Variants in AP1M2 observed in about 807,000 individuals in gnomAD.
AP1M2 encodes adaptor related protein complex 1 subunit mu 2.
In AP1M2, 41 loss-of-function variants were observed where a neutral mutation model predicts 54.6. The observed-to-expected ratio is 0.75, with a 90% CI of 0.59 to 0.97. The LOEUF (loss-of-function observed/expected upper bound fraction) is 0.97. Among genes scored for constraint, AP1M2 ranks in the 50% least tolerant of loss-of-function variants. AP1M2 has a pLI of 0.00. For missense variants in AP1M2, 507 were observed against 561.2 expected (o/e 0.90, Z 0.98); for synonymous variants, 219 against 215.9 (o/e 1.01, Z -0.13).
chr19:10,573,243 A>AC (rs1917116360), intron 11 of AP1M2, among the ~76,000 whole-genome samples, 155 bp from the exon 12 acceptor site: 1 of 151,908 alleles, frequency 6.6e-6, no homozygotes, highest in South Asian at 2.1e-4. Context: ...ACATGGTGAA[A>AC]CCCCATGTCT....
chr19:10,579,739 T>C lies in AP1M2; in HGVS notation c.793A>G (p.Met265Val), dbSNP rs757753697. ...ACCTGGGTGCTGAGGCGGTATGACA[T>C]GAGCTCAAAGTCACCATCAGGCGGG... ...FIPPDGDFEL[M>V]SYRLSTQVKP... The change falls in exon 7 of 12, where the codon ATG becomes GTG. Residue 265 changes from methionine to valine, a missense_variant. Transcript: ENST00000250244. 2 of 1,613,626 alleles carry C rather than the reference T, an allele frequency of 1.2e-6. No homozygotes were observed. The highest frequency in any genetic ancestry group is 1.7e-6 in the Non-Finnish European group (2 of 1,179,828).
In AP1M2 at chr19:10,574,987, T is replaced by C; in HGVS notation, c.1090A>G (p.Ser364Gly). Residue 364 changes from serine (S) to glycine (G), a missense_variant, in exon 10 of 12, where the codon AGT (serine) becomes GGT (glycine). Ser to Gly is a moderately conservative substitution (Grantham distance 56). Coordinates refer to ENST00000250244, the MANE Select transcript of AP1M2 (RefSeq NM_005498.5). Reference protein sequence around the residue: ...YLMRAHFGLPSVEKEEVEGRP... With the variant: ...YLMRAHFGLPGVEKEEVEGRP... ...CCCTCCACCTCTTCCTTTTCCACAC[T>C]GGGGAGGCCAAAGTGGGCTCGCATC... 1.3e-6 allele frequency: 2 copies of C among 1,561,736 alleles called. No homozygotes were observed. Among genetic ancestry groups the C allele is most frequent in the East Asian group, 4.7e-5 (2 of 42,964 alleles).
At position 10,581,312 on chromosome 19, in the gene AP1M2, C is replaced by G; in HGVS notation, c.627G>C (p.Glu209Asp). 1 of 1,613,940 alleles carries G rather than the reference C, an allele frequency of 6.2e-7. No individual in the cohort carries two copies. The highest frequency in any genetic ancestry group is 8.5e-7 in the Non-Finnish European group (1 of 1,179,806). The change falls in exon 6 of 12, where the codon GAG (glutamate) becomes GAC (aspartate). Residue 209 changes from glutamate (E) to aspartate (D), a missense_variant. Transcript: ENST00000250244. Reference protein sequence around the residue: ...KLKVFLSGMPELRLGLNDRVL... With the variant: ...KLKVFLSGMPDLRLGLNDRVL... Reference sequence around the variant, plus strand: ...CGCGGTCATTGAGGCCCAGCCGCAGCTCTGGCATTCCTGACAGAAACACCT... The same window carrying G: ...CGCGGTCATTGAGGCCCAGCCGCAGGTCTGGCATTCCTGACAGAAACACCT...
At chr19:10,579,012 C>A in intron 7 of AP1M2, 49 bp from the exon 8 acceptor site, 119 of 930,380 alleles carry the variant, frequency 1.3e-4, no homozygotes, top group Non-Finnish European at 1.6e-4. Context: ...TGTTGACTCT[C>A]TTCTTTTTTT....
intron 1 of AP1M2, among the ~76,000 whole-genome samples, chr19:10,584,311 T>A (rs1348648719): frequency 6.6e-6 from 1 of 152,228 alleles, no homozygotes; most frequent in Non-Finnish European, 1.5e-5. Flanking sequence ...CTGGACGCAG[T>A]GGCTCACGCC....
At chr19:10,580,044 G>GTTTTTT (rs59349358) in intron 6 of AP1M2, among the ~76,000 whole-genome samples, 186 bp from the exon 7 acceptor site, 1 of 71,192 alleles carries the variant, frequency 1.4e-5, no homozygotes, top group Non-Finnish European at 2.6e-5. Flanking sequence ...ATCTGGCTTG[G>GTTTTTT]TTTTTTTTTT....
intron 6 of AP1M2, among the ~76,000 whole-genome samples, chr19:10,580,769 A>C (rs10409805): frequency 0.25 from 38,401 of 151,680 alleles, 5,860 homozygotes; most frequent in East Asian, 0.66. Context: ...TTTAGACCAG[A>C]CTGGGCAACA....
At position 10,583,684 on chromosome 19, in the gene AP1M2, A is replaced by G; in HGVS notation, c.200-11T>C. 2 of 1,612,010 alleles carry G rather than the reference A, an allele frequency of 1.2e-6. No individual in the cohort carries two copies. Among genetic ancestry groups the G allele is most frequent in the Non-Finnish European group, 1.7e-6 (2 of 1,178,586 alleles). On this transcript the variant is annotated splice_polypyrimidine_tract_variant and intron_variant, in intron 2 of 11. Transcript: ENST00000250244. ...ATGTGGTGGCCACCACTGGGGCAGC[A>G]AGGTTAAGGAAAAGGTGCCATTTAT...
intron 6 of AP1M2, among the ~76,000 whole-genome samples, chr19:10,580,297 C>T (rs1384025993): frequency 6.6e-6 from 1 of 152,040 alleles, no homozygotes; most frequent in Non-Finnish European, 1.5e-5. Context: ...GTGATCCTCC[C>T]TCCTCGGCCT....
intron 7 of AP1M2, among the ~76,000 whole-genome samples, chr19:10,579,344 AG>A (rs1917358805): frequency 6.6e-6 from 1 of 152,110 alleles, no homozygotes; most frequent in Admixed American, 6.6e-5. Context: ...TGAACCTGGG[AG>A]GCGGAGCTTG....
chr19:10,573,107 G>C lies in AP1M2; in HGVS notation c.1250-19C>G. On this transcript the variant is annotated intron_variant, in intron 11 of 11. Transcript: ENST00000250244. ...TGGTAATCTGCAGAGAAAGAATGAGGAGGGGCCATCTCAGAAATGGGGAGA... is the reference window on the plus strand; with the variant it reads ...TGGTAATCTGCAGAGAAAGAATGAGCAGGGGCCATCTCAGAAATGGGGAGA... 1 of 1,559,876 alleles carries C rather than the reference G, an allele frequency of 6.4e-7. No individual in the cohort carries two copies. Among genetic ancestry groups the C allele is most frequent in the Non-Finnish European group, 8.7e-7 (1 of 1,151,534 alleles).
In AP1M2 at chr19:10,587,194, C is replaced by T; in HGVS notation, c.38G>A (p.Gly13Asp). ...ACTCCTCATGCCCAGCCTCACCTTGCCCTTAACGTCCAGAATGAAGACAGC... is the reference window on the plus strand; with the variant it reads ...ACTCCTCATGCCCAGCCTCACCTTGTCCTTAACGTCCAGAATGAAGACAGC... ...ASAVFILDVK[G>D]KPLISRNYKG... Residue 13 changes from glycine to aspartate, a missense_variant, in exon 1 of 12, where the codon GGC becomes GAC. Transcript: ENST00000250244. 1 of 1,558,508 alleles carries T rather than the reference C, an allele frequency of 6.4e-7. No homozygotes were observed. Among genetic ancestry groups the T allele is most frequent in the Non-Finnish European group, 8.7e-7 (1 of 1,151,014 alleles).
At chr19:10,584,915 A>G (rs1917578450) in intron 1 of AP1M2, 1 of 151,496 alleles carries the variant, frequency 6.6e-6, no homozygotes, top group African/African-American at 2.4e-5. Flanking sequence ...ATTATTTAAA[A>G]AAACAACAAC....
intron 1 of AP1M2, 130 bp downstream of exon 1, chr19:10,587,060 G>C: frequency 1.9e-6 from 2 of 1,029,600 alleles, no homozygotes; most frequent in Non-Finnish European, 2.8e-6. Flanking sequence ...CTGGAGGTGG[G>C]ATTCCCAGGG....
intron 3 of AP1M2, among the ~76,000 whole-genome samples, chr19:10,583,354 G>T (rs1917525098): frequency 6.6e-6 from 1 of 151,958 alleles, no homozygotes; most frequent in Non-Finnish European, 1.5e-5. Context: ...CTCAAACAAG[G>T]CCCCAGGGAA....
chr19:10,575,872 T>C (rs1440060634), intron 9 of AP1M2, among the ~76,000 whole-genome samples: 1 of 149,528 alleles, frequency 6.7e-6, no homozygotes, highest in African/African-American at 2.5e-5. Context: ...GTTCACGCCA[T>C]TCTCCTGCCT....
At chr19:10,574,770 T>C in intron 10 of AP1M2, 134 bp downstream of exon 10, 1 of 1,255,744 alleles carries the variant, frequency 8.0e-7, no homozygotes, top group Non-Finnish European at 1.1e-6. Flanking sequence ...GTAACATTGC[T>C]CTGGGAAAGA....
rs759729592 is a variant in AP1M2 at position 10,578,845 on chromosome 19, C to T, written c.888+47G>A. Reference sequence around the variant, plus strand: ...GGGATTACAGGTGTGAGCCACCGCACCCACCCGAGATCATGCATTGTTAAT... The same window carrying T: ...GGGATTACAGGTGTGAGCCACCGCATCCACCCGAGATCATGCATTGTTAAT... On this transcript the variant is annotated intron_variant, in intron 8 of 11. Coordinates refer to ENST00000250244, the MANE Select transcript of AP1M2 (RefSeq NM_005498.5). 9.2e-6 allele frequency: 14 copies of T among 1,519,944 alleles called. No individual in the cohort carries two copies. The South Asian group carries it at 1.5e-4, about 17-fold the overall frequency. 94.2% of individuals were successfully genotyped at this position (1,519,944 alleles called of 1,614,324 possible).
Position 10,579,802 on chromosome 19 carries a change from G to A in AP1M2, c.730C>T (p.Leu244Phe), listed in dbSNP as rs1247119063. The A allele has an allele frequency of 6.2e-7, 1 of 1,613,552 alleles. No homozygotes were observed. The highest frequency in any genetic ancestry group is 8.5e-7 in the Non-Finnish European group (1 of 1,179,788). Residue 244 changes from leucine to phenylalanine, a missense_variant, in exon 7 of 12, where the codon CTC becomes TTC. Coordinates refer to ENST00000250244, the MANE Select transcript of AP1M2 (RefSeq NM_005498.5). ...EDVKFHQCVR[L>F]SRFDNDRTIS... ...GTGCGGTCGTTGTCAAAGCGAGAGAGCCGCACGCACTGGTGGAATTTTACA... is the reference window on the plus strand; with the variant it reads ...GTGCGGTCGTTGTCAAAGCGAGAGAACCGCACGCACTGGTGGAATTTTACA...
Sources: gnomAD v4.1 joint callset for allele counts (sites outside exome capture counted in the v4.1 genomes callset) on GRCh38, gnomAD v4.1.1 for gene constraint, MANE v1.5 for transcripts, NCBI Gene and HGNC (gene_info 2026-07-23, HGNC 2026-07-21) for gene names.